The following SPMIP4 variants were observed in gnomAD, a reference collection of about 807,000 sequenced individuals.
SPMIP4 encodes sperm-associated microtubule inner protein 4.
the SPMIP4 span, among the ~76,000 whole-genome samples, chr7:25,149,023 C>T: frequency 1.3e-5 from 2 of 152,146 alleles, no homozygotes; most frequent in African/African-American, 2.4e-5. Flanking sequence ...TATTTGAACA[C>T]GGTTTGAACA....
chr7:25,141,389 T>C, the SPMIP4 span, among the ~76,000 whole-genome samples: 6 of 152,020 alleles, frequency 3.9e-5, no homozygotes, highest in Non-Finnish European at 7.4e-5. Context: ...CTGGTCAACA[T>C]GGTGAAACCC....
At chr7:25,126,670 ATAAGT>A in the SPMIP4 span, among the ~76,000 whole-genome samples, 1,327 of 152,292 alleles carry the variant, frequency 8.7e-3, 9 homozygotes, top group Admixed American at 0.017. Context: ...ATTATTTTTG[ATAAGT>A]TAGGTTAATC....
At chr7:25,135,236 A>T in the SPMIP4 span, 2 of 723,114 alleles carry the variant, frequency 2.8e-6, no homozygotes, top group Non-Finnish European at 3.4e-6. Context: ...AGAACTCACC[A>T]GTTGCTAATT....
At chr7:25,179,279 A>C in the SPMIP4 span, 2 of 1,613,436 alleles carry the variant, frequency 1.2e-6, no homozygotes, top group Non-Finnish European at 1.7e-6. Flanking sequence ...GCTCCCTGCA[A>C]CAGTAGGGCC....
chr7:25,149,257 G>A, the SPMIP4 span, among the ~76,000 whole-genome samples: 91,378 of 151,928 alleles, frequency 0.6, 28,577 homozygotes, highest in Non-Finnish European at 0.69. Flanking sequence ...CCTTTAATAG[G>A]AATAGAACAT....
chr7:25,159,702 A>C, the SPMIP4 span, among the ~76,000 whole-genome samples: 1 of 152,184 alleles, frequency 6.6e-6, no homozygotes, highest in Non-Finnish European at 1.5e-5. Flanking sequence ...TGAACTATAA[A>C]AGTTTATATC....
At chr7:25,175,182 A>C in the SPMIP4 span, among the ~76,000 whole-genome samples, 1 of 152,126 alleles carries the variant, frequency 6.6e-6, no homozygotes, top group Non-Finnish European at 1.5e-5. Flanking sequence ...TCCTCAGGTG[A>C]TTTTGAAGTA....
At chr7:25,154,983 A>T in the SPMIP4 span, 1 of 1,583,834 alleles carries the variant, frequency 6.3e-7, no homozygotes, top group Non-Finnish European at 8.6e-7. Context: ...AAGAATTAAT[A>T]CAGTTCTGAT....
the SPMIP4 span, among the ~76,000 whole-genome samples, chr7:25,177,421 T>C: frequency 2.0e-5 from 3 of 152,048 alleles, no homozygotes; most frequent in Non-Finnish European, 4.4e-5. Context: ...AGGCGGAGGT[T>C]GCAGTAAGCC....
chr7:25,179,466 T>C, the SPMIP4 span: 1 of 640,074 alleles, frequency 1.6e-6, no homozygotes, highest in Non-Finnish European at 2.5e-6. Context: ...AGCCGTCAAA[T>C]CAGTAATAAA....
At chr7:25,142,692 T>C in the SPMIP4 span, 160 of 1,613,306 alleles carry the variant, frequency 9.9e-5, no homozygotes, top group Non-Finnish European at 1.3e-4. Flanking sequence ...CAAGATTTCT[T>C]TGTATGTTGG....
At chr7:25,155,388 G>A in the SPMIP4 span, among the ~76,000 whole-genome samples, 1 of 152,084 alleles carries the variant, frequency 6.6e-6, no homozygotes, top group African/African-American at 2.4e-5. Context: ...CACAAAACAG[G>A]ACATTTTCTT....
chr7:25,136,388 T>C, the SPMIP4 span: 1 of 1,614,098 alleles, frequency 6.2e-7, no homozygotes, highest in East Asian at 2.2e-5. This position sits in a 1 kb window ranked among gnomAD's most constrained non-coding sequence, Gnocchi z 5.7. Flanking sequence ...CAGTAAGGTG[T>C]GGGTTGGGTT....
At chr7:25,179,108 C>T in the SPMIP4 span, 1 of 1,456,986 alleles carries the variant, frequency 6.9e-7, no homozygotes. Context: ...TTTTTCCTCA[C>T]ATAATAAAAT....
At chr7:25,178,396 A>C in the SPMIP4 span, among the ~76,000 whole-genome samples, 1 of 152,242 alleles carries the variant, frequency 6.6e-6, no homozygotes, top group African/African-American at 2.4e-5. Flanking sequence ...TTCTTTGAGA[A>C]ATCACCAAAC....
the SPMIP4 span, among the ~76,000 whole-genome samples, chr7:25,148,058 T>C: frequency 6.6e-6 from 1 of 152,220 alleles, no homozygotes; most frequent in Non-Finnish European, 1.5e-5. Flanking sequence ...AGGTTAGTAG[T>C]GTCCCTTCTC....
At chr7:25,135,338 A>G in the SPMIP4 span, 1 of 985,444 alleles carries the variant, frequency 1.0e-6, no homozygotes. Context: ...TAAGCAAACA[A>G]TTCAATTTGT....
chr7:25,125,804 A>G, the SPMIP4 span: 1 of 567,730 alleles, frequency 1.8e-6, no homozygotes, highest in Non-Finnish European at 2.2e-6. Context: ...ACAGCATCCT[A>G]GAGGGACAGC....
the SPMIP4 span, chr7:25,168,283 A>G: frequency 6.3e-7 from 1 of 1,593,188 alleles, no homozygotes; most frequent in Non-Finnish European, 8.5e-7. Flanking sequence ...CAGAAAGTTT[A>G]TTTACCTTGG....
Sources: gnomAD v4.1 joint callset for allele counts (sites outside exome capture counted in the v4.1 genomes callset) on GRCh38, gnomAD v4.1.1 for gene constraint, Gnocchi (gnomAD v3.1) non-coding constraint, MANE v1.5 for transcripts, NCBI Gene and HGNC (gene_info 2026-07-23, HGNC 2026-07-21) for gene names.